C1orf21: variants seen among roughly 807,000 people sequenced by gnomAD.
C1orf21 encodes the protein uncharacterized protein C1orf21.
In C1orf21, 3 loss-of-function variants were observed where a neutral mutation model predicts 18.7. The observed-to-expected ratio is 0.16, with a 90% CI of 0.07 to 0.42. The LOEUF (loss-of-function observed/expected upper bound fraction) is 0.42. C1orf21 is among the 10% of genes least tolerant of loss of function. C1orf21 has a pLI of 0.99. For missense variants in C1orf21, 104 were observed against 143.6 expected (o/e 0.72, Z 1.41); for synonymous variants, 41 against 46.4 (o/e 0.88, Z 0.47).
chr1:184,474,212 A>G (rs1347214210), intron 1 of C1orf21, among the ~76,000 whole-genome samples: 1 of 152,224 alleles, frequency 6.6e-6, no homozygotes, highest in Non-Finnish European at 1.5e-5. Flanking sequence ...AATGTAGCAC[A>G]TATGTTTCAG....
At chr1:184,514,435 C>T (rs1026520488) in intron 3 of C1orf21, among the ~76,000 whole-genome samples, 1 of 152,126 alleles carries the variant, frequency 6.6e-6, no homozygotes, top group Non-Finnish European at 1.5e-5. Flanking sequence ...TTATTGTAAT[C>T]AGAGAAATGC....
chr1:184,627,471 TC>T lies in C1orf21; in HGVS notation c.*7917del, dbSNP rs1423684018. Reference sequence around the variant, plus strand: ...GAGGCGTTGGTGCTGAAGGCAATTTTCCTAGCTAAGGGGCACTGGGCCTTGC... The same window carrying T: ...GAGGCGTTGGTGCTGAAGGCAATTTTCTAGCTAAGGGGCACTGGGCCTTGC... On this transcript the variant is annotated 3_prime_UTR_variant, in exon 6 of 6. Transcript: ENST00000235307. 6.6e-6 allele frequency: 1 copy of T among 152,168 alleles called. No homozygotes were observed. The highest frequency in any genetic ancestry group is 2.4e-5 in the African/African-American group (1 of 41,396). 9.4% of individuals were successfully genotyped at this position (152,168 alleles called of 1,614,324 possible).
chr1:184,431,193 G>A (rs1271125793), intron 1 of C1orf21, among the ~76,000 whole-genome samples: 2 of 152,092 alleles, frequency 1.3e-5, no homozygotes, highest in Non-Finnish European at 2.9e-5. Context: ...AAAGCTGAAG[G>A]CATCACGCTA....
intron 1 of C1orf21, among the ~76,000 whole-genome samples, chr1:184,404,131 C>G (rs1244367218): frequency 2.6e-5 from 4 of 152,124 alleles, no homozygotes; most frequent in African/African-American, 9.7e-5. Flanking sequence ...AACTGATACT[C>G]AGAGAGGTTA....
At chr1:184,463,332 T>A (rs757936682) in intron 1 of C1orf21, among the ~76,000 whole-genome samples, 1 of 152,130 alleles carries the variant, frequency 6.6e-6, no homozygotes, top group Non-Finnish European at 1.5e-5. Context: ...AAATTTTCTC[T>A]TCTATTCATA....
chr1:184,393,516 A>G (rs1006863183), intron 1 of C1orf21, among the ~76,000 whole-genome samples: 47 of 152,168 alleles, frequency 3.1e-4, no homozygotes, highest in African/African-American at 1.1e-3. Flanking sequence ...AGCACCCCCA[A>G]GTTTAGGGAT....
At chr1:184,548,670 A>T (rs1658767075) in intron 3 of C1orf21, among the ~76,000 whole-genome samples, 1 of 152,134 alleles carries the variant, frequency 6.6e-6, no homozygotes, top group Non-Finnish European at 1.5e-5. Context: ...TATTTTCACT[A>T]ACCTTTAATG....
chr1:184,472,693 A>T (rs1657512036), intron 1 of C1orf21, among the ~76,000 whole-genome samples: 1 of 152,212 alleles, frequency 6.6e-6, no homozygotes, highest in Non-Finnish European at 1.5e-5. Context: ...AGTTAAAAAA[A>T]ACTAAGGTAA....
At chr1:184,393,544 C>G (rs947652620) in intron 1 of C1orf21, among the ~76,000 whole-genome samples, 2 of 152,206 alleles carry the variant, frequency 1.3e-5, no homozygotes, top group African/African-American at 4.8e-5. Context: ...CCTTTGTTTT[C>G]ATTTTTGATT....
At chr1:184,414,148 T>C (rs1656409025) in intron 1 of C1orf21, among the ~76,000 whole-genome samples, 1 of 152,200 alleles carries the variant, frequency 6.6e-6, no homozygotes, top group Admixed American at 6.5e-5. Context: ...TTTCACTTTT[T>C]CTTTTTCTAG....
intron 1 of C1orf21, among the ~76,000 whole-genome samples, chr1:184,410,644 TATATATATA>T (rs1656328173): frequency 1.9e-4 from 1 of 5,172 alleles, no homozygotes; most frequent in East Asian, 6.3e-3. Flanking sequence ...TATATATATA[TATATATATA>T]TATATATATA....
chr1:184,558,228 C>G (rs1399026663), intron 3 of C1orf21, among the ~76,000 whole-genome samples: 1 of 152,158 alleles, frequency 6.6e-6, no homozygotes, highest in Non-Finnish European at 1.5e-5. Context: ...GCAGCCTCTT[C>G]ACATCTCCTT....
chr1:184,394,704 G>A (rs564582664), intron 1 of C1orf21, among the ~76,000 whole-genome samples: 25 of 152,108 alleles, frequency 1.6e-4, no homozygotes, highest in Middle Eastern at 6.3e-3. Flanking sequence ...TGACTTCAGT[G>A]GTTCTATCTC....
intron 5 of C1orf21, among the ~76,000 whole-genome samples, chr1:184,614,005 T>C (rs894808047): frequency 2.0e-5 from 3 of 152,088 alleles, no homozygotes; most frequent in Non-Finnish European, 4.4e-5. Context: ...AGACTCTCTC[T>C]GAAGAAATAA....
chr1:184,571,511 C>G (rs1260534096), intron 3 of C1orf21, among the ~76,000 whole-genome samples: 1 of 152,138 alleles, frequency 6.6e-6, no homozygotes, highest in East Asian at 1.9e-4. Context: ...GATTGCCTTT[C>G]GAGTAGGCTT....
At chr1:184,462,469 T>G (rs1263133920) in intron 1 of C1orf21, among the ~76,000 whole-genome samples, 1 of 152,174 alleles carries the variant, frequency 6.6e-6, no homozygotes. Context: ...GAGTAGCAGA[T>G]CTACAGGCCC....
chr1:184,513,519 A>T (rs1007422936), intron 3 of C1orf21, among the ~76,000 whole-genome samples: 1 of 152,246 alleles, frequency 6.6e-6, no homozygotes, highest in Non-Finnish European at 1.5e-5. Context: ...AGAACAGTGG[A>T]TACCCTCTTA....
intron 2 of C1orf21, among the ~76,000 whole-genome samples, chr1:184,500,650 G>A (rs1657961480): frequency 6.6e-6 from 1 of 152,212 alleles, no homozygotes; most frequent in Non-Finnish European, 1.5e-5. Flanking sequence ...GCCAGGTGCA[G>A]AAGAGAAAGG....
At chr1:184,489,228 G>GACCC (rs1403677766) in intron 2 of C1orf21, among the ~76,000 whole-genome samples, 1 of 151,982 alleles carries the variant, frequency 6.6e-6, no homozygotes, top group Admixed American at 6.6e-5. Context: ...AATAGAAAAA[G>GACCC]ACCCTTCAAA....
Sources: gnomAD v4.1 joint callset for allele counts (sites outside exome capture counted in the v4.1 genomes callset) on GRCh38, gnomAD v4.1.1 for gene constraint, MANE v1.5 for transcripts, NCBI Gene and HGNC (gene_info 2026-07-23, HGNC 2026-07-21) for gene names.